Variants in NOS3 observed in about 807,000 individuals in gnomAD.
NOS3 encodes NOS type III.
A neutral mutation model predicts 144.9 loss-of-function variants in NOS3; 98 were observed. The ratio of observed to expected loss-of-function variants is 0.68; its 90% CI spans 0.57 to 0.80. NOS3 has a LOEUF of 0.80. Among genes scored for constraint, NOS3 ranks in the 30% least tolerant of loss-of-function variants. The pLI is 0.00. For missense variants in NOS3, 1,465 were observed against 1,656.4 expected, an observed-to-expected ratio of 0.88 and a Z score of 2.01; for synonymous variants, 714 against 702.4, an observed-to-expected ratio of 1.02 and a Z score of -0.26.
chr7:151,013,135 G>C (rs1173176224), intron 24 of NOS3, 96 bp from the exon 25 acceptor site: 2 of 1,370,646 alleles, frequency 1.5e-6, no homozygotes, highest in Admixed American at 4.1e-5. Context: ...AGCCCAAAAC[G>C]CTGGGCTGCC....
intron 19 of NOS3, 37 bp from the exon 20 acceptor site, chr7:151,009,361 T>G: frequency 2.8e-5 from 12 of 435,092 alleles, no homozygotes; most frequent in Non-Finnish European, 4.4e-5. Flanking sequence ...CCCACCCCTC[T>G]CTGACTCCCC....
chr7:151,007,376 T>C, intron 17 of NOS3, 100 bp downstream of exon 17: 2 of 1,322,398 alleles, frequency 1.5e-6, no homozygotes, highest in Middle Eastern at 2.6e-4. Context: ...TCCCTTCCTG[T>C]TCCTTCCAAA....
At position 151,003,665 on chromosome 7, in the gene NOS3, C is replaced by T. The variant is rs1271164578; in HGVS notation, c.1752+1361C>T. The T allele has an allele frequency of 1.4e-6, 1 of 711,138 alleles. No individual in the cohort carries two copies. The highest frequency in any genetic ancestry group is 1.8e-5 in the African/African-American group (1 of 54,274). The allele number at this position is 711,138 out of a possible 1,614,324, so 44.1% of individuals were successfully genotyped here. ...CGTGAATCCCTTCCCAGTCTGTCTC[C>T]CTGCCAGAAGTGTCTGTCACCACAG... is the stretch of plus-strand genomic sequence containing the variant. On this transcript the variant is annotated intron_variant, in intron 14 of 26. Transcript: ENST00000297494. This position sits in a 1 kb window ranked among gnomAD's most constrained non-coding sequence, Gnocchi z 4.1.
chr7:151,013,125 A>G, intron 24 of NOS3, 106 bp from the exon 25 acceptor site: 1 of 1,251,420 alleles, frequency 8.0e-7, no homozygotes, highest in Non-Finnish European at 1.1e-6. Flanking sequence ...TGGTGGTTTC[A>G]GCCCAAAACG....
chr7:151,001,318 T>C lies in NOS3; in HGVS notation c.1321T>C (p.Cys441Arg). ...GAATGAGCAGAAGGCCAGGGGGGGC[T>C]GCCCTGCAGACTGGGCCTGGATCGT... ...LENEQKARGG[C>R]PADWAWIVPP... is the part of the protein sequence containing the mutation. The change falls in exon 11 of 27, where the codon TGC (cysteine) becomes CGC (arginine). Residue 441 changes from cysteine to arginine, a missense_variant. Cys to Arg is a radical substitution (Grantham distance 180). Around this residue, in one of 5 missense-constraint regions of NOS3, gnomAD observed 745 missense variants for 853.9 expected, o/e 0.87. Coordinates refer to ENST00000297494, the MANE Select transcript of NOS3 (RefSeq NM_000603.5). 1.2e-6 allele frequency: 2 copies of C among 1,613,724 alleles called. No individual in the cohort carries two copies. Among genetic ancestry groups the C allele is most frequent in the Non-Finnish European group, 1.7e-6 (2 of 1,179,924 alleles).
rs1274437226 is a variant in NOS3 at position 151,003,119 on chromosome 7, A to G, written c.1752+815A>G. On this transcript the variant is annotated intron_variant, in intron 14 of 26. Coordinates refer to ENST00000297494, the MANE Select transcript of NOS3 (RefSeq NM_000603.5). The surrounding 1 kb of genome is among the most constrained non-coding windows in gnomAD (Gnocchi z 4.1). Reference sequence around the variant, plus strand: ...CCTTATTAGCACTAAGTACTTCCTCAGTACTCTTTTTTCTTTTTTCCTTTG... The same window carrying G: ...CCTTATTAGCACTAAGTACTTCCTCGGTACTCTTTTTTCTTTTTTCCTTTG... 2.2e-6 allele frequency: 1 copy of G among 451,010 alleles called. No homozygotes were observed. 27.9% of individuals were successfully genotyped at this position (451,010 alleles called of 1,614,324 possible).
At chr7:151,010,044 C>T in intron 20 of NOS3, 71 bp from the exon 21 acceptor site, 1 of 984,360 alleles carries the variant, frequency 1.0e-6, no homozygotes, top group East Asian at 2.4e-5. Flanking sequence ...GTCACCAAAA[C>T]ACAAACATCA....
chr7:151,009,234 G>A lies in NOS3; in HGVS notation c.2291G>A (p.Arg764His), dbSNP rs1039287196. Residue 764 changes from arginine to histidine, a missense_variant, in exon 19 of 27, where the codon CGC becomes CAC. Physicochemically the swap from Arg to His is conservative, Grantham distance 29. Coordinates refer to ENST00000297494, the MANE Select transcript of NOS3 (RefSeq NM_000603.5). Reference sequence around the variant, plus strand: ...CGGAAGATGTTCCAGGCTACAATCCGCTCAGTGGAAAACCTGCAAAGCAGC... The same window carrying A: ...CGGAAGATGTTCCAGGCTACAATCCACTCAGTGGAAAACCTGCAAAGCAGC... ...HRRKMFQATI[R>H]SVENLQSSKS... is the part of the protein sequence containing the mutation. 6.2e-7 allele frequency: 1 copy of A among 1,613,766 alleles called. No homozygotes were observed. The highest frequency in any genetic ancestry group is 8.5e-7 in the Non-Finnish European group (1 of 1,179,866).
chr7:151,012,303 TGGA>T, intron 23 of NOS3, 45 bp from the exon 24 acceptor site: 18 of 1,494,154 alleles, frequency 1.2e-5, no homozygotes, highest in Non-Finnish European at 1.6e-5. Flanking sequence ...GTGAGAATGG[TGGA>T]GCAGGAAAGG....
intron 3 of NOS3, among the ~76,000 whole-genome samples, chr7:150,995,650 CT>C: frequency 1.3e-4 from 1 of 7,684 alleles, no homozygotes; most frequent in East Asian, 1.4e-3. Context: ...CTGCACCCCT[CT>C]TCCCTCTCCC....
intron 15 of NOS3, 66 bp downstream of exon 15, chr7:151,006,560 G>T (rs911422896): frequency 3.7e-6 from 5 of 1,354,888 alleles, no homozygotes; most frequent in East Asian, 4.6e-5. Context: ...AACAGAAAGG[G>T]GGTCTGAAAA....
At chr7:151,012,772 A>T (rs1795334418) in intron 24 of NOS3, 1 of 360,658 alleles carries the variant, frequency 2.8e-6, no homozygotes, top group Non-Finnish European at 5.2e-6. Flanking sequence ...TGGATTCTTG[A>T]CTGTGCCAGA....
chr7:150,998,572 T>A lies in NOS3; in HGVS notation c.708T>A (p.Pro236=). Residue 236 remains proline, a synonymous_variant, in exon 7 of 27, where the codon CCT becomes CCA. Coordinates refer to ENST00000297494, the MANE Select transcript of NOS3 (RefSeq NM_000603.5). This position sits in a 1 kb window ranked among gnomAD's most constrained non-coding sequence, Gnocchi z 5.0. ...SAITVFPQRC[P]GRGDFRIWNS... ...TCACAGTGTTCCCGCAGCGCTGCCC[T>A]GGCCGAGGAGACTTCCGAATCTGGA... 4 of 1,609,374 alleles carry A rather than the reference T, an allele frequency of 2.5e-6. No homozygotes were observed. Among genetic ancestry groups the A allele is most frequent in the Non-Finnish European group, 3.4e-6 (4 of 1,178,804 alleles).
intron 14 of NOS3, among the ~76,000 whole-genome samples, chr7:151,004,599 G>A (rs1211327751): frequency 1.3e-5 from 2 of 152,246 alleles, no homozygotes; most frequent in South Asian, 2.1e-4. Context: ...GTGCCATATC[G>A]CACTAAGTGT....
At position 151,001,195 on chromosome 7, in the gene NOS3, C is replaced by G. The variant is rs1416680579; in HGVS notation, c.1234-36C>G. 2.5e-6 allele frequency: 4 copies of G among 1,604,570 alleles called. No individual in the cohort carries two copies. In the South Asian group the frequency reaches 4.4e-5, roughly 18 times the overall value. On this transcript the variant is annotated intron_variant, in intron 10 of 26. Coordinates refer to ENST00000297494, the MANE Select transcript of NOS3 (RefSeq NM_000603.5). ...GGAAGAATGGGCGAGGTCTGTGGGT[C>G]TGGTTTGAGCCTCTCCCCCTCTCTC...
chr7:151,009,569 G>A lies in NOS3; in HGVS notation c.2496G>A (p.Leu832=). ...CTGAGCCCGTGGCAGTAGAGCAGCT[G>A]GAGAAGGGCAGCCCTGGTGAGGGGC... ...APTEPVAVEQ[L]EKGSPGGPPP... Residue 832 remains leucine, a synonymous_variant, in exon 20 of 27, where the codon CTG becomes CTA. Coordinates refer to ENST00000297494, the MANE Select transcript of NOS3 (RefSeq NM_000603.5). The A allele has an allele frequency of 6.5e-7, 1 of 1,538,410 alleles. No individual in the cohort carries two copies. Among genetic ancestry groups the A allele is most frequent in the African/African-American group, 1.4e-5 (1 of 72,906 alleles).
At position 150,995,234 on chromosome 7, in the gene NOS3, GA is replaced by G; in HGVS notation, c.191del (p.Glu64GlyfsTer8). ...GAGCTCCCCGCTAACCCAGCCCCCA[GA>G]GGGGCCCAAGTTCCCTCGTGTGAAG... ...PPSSPLTQPP[E>X]GPKFPRVKNW... On this transcript the variant is annotated frameshift_variant, in exon 3 of 27. Transcript: ENST00000297494. LOFTEE classifies it high-confidence loss of function. 1 of 1,611,082 alleles carries G rather than the reference GA, an allele frequency of 6.2e-7. No individual in the cohort carries two copies. The highest frequency in any genetic ancestry group is 8.5e-7 in the Non-Finnish European group (1 of 1,178,672).
At chr7:150,996,337 C>G in intron 3 of NOS3, 67 bp from the exon 4 acceptor site, 1 of 563,284 alleles carries the variant, frequency 1.8e-6, no homozygotes, top group Non-Finnish European at 2.8e-6. Context: ...CCCCTCCTCC[C>G]TGCCCCCAAC....
rs3138808 is a variant in NOS3, at chr7:151,002,383, AACACACAC to A, written c.1752+142_1752+149del. 4,003 of 270,812 alleles carry A rather than the reference AACACACAC, an allele frequency of 0.015. 123 individuals carry two copies. The highest frequency in any genetic ancestry group is 0.025 in the African/African-American group (611 of 24,488). 16.8% of individuals were successfully genotyped at this position (270,812 alleles called of 1,614,324 possible). On this transcript the variant is annotated intron_variant, in intron 14 of 26. Transcript: ENST00000297494. This position sits in a 1 kb window ranked among gnomAD's most constrained non-coding sequence, Gnocchi z 4.1. ...AGTGACTGGGCAGGAACCTCTGCCCAACACACACACACACACACACACACACACACACA... is the reference window on the plus strand; with the variant it reads ...AGTGACTGGGCAGGAACCTCTGCCCAACACACACACACACACACACACACA...
Sources: allele counts gnomAD v4.1 joint callset (sites outside exome capture counted in the v4.1 genomes callset), GRCh38; gene constraint gnomAD v4.1.1; regional missense constraint gnomAD v4.1.1; non-coding constraint Gnocchi (gnomAD v3.1); transcripts MANE v1.5; gene names NCBI Gene and HGNC (gene_info 2026-07-23, HGNC 2026-07-21).